Variants in MCPH1 observed in about 807,000 individuals in gnomAD.
The protein encoded by MCPH1 is microcephalin 1.
A neutral mutation model predicts 84.5 loss-of-function variants in MCPH1; 104 were observed. The ratio of observed to expected loss-of-function variants is 1.23; its 90% CI spans 1.05 to 1.45. MCPH1 has a LOEUF of 1.45. Ranked by LOEUF, MCPH1 falls within the 40% of genes most tolerant of loss-of-function variation. MCPH1 has a pLI of 0.00. For missense variants in MCPH1, 1,498 were observed against 1,005.7 expected, an observed-to-expected ratio of 1.49 and a Z score of -6.62; for synonymous variants, 514 against 366.8, an observed-to-expected ratio of 1.40 and a Z score of -4.58.
intron 12 of MCPH1, among the ~76,000 whole-genome samples, chr8:6,594,451 G>T (rs1252491586): frequency 6.6e-6 from 1 of 152,154 alleles, no homozygotes; most frequent in African/African-American, 2.4e-5. Flanking sequence ...ACACTCATTC[G>T]TGGGCCCTCA....
At chr8:6,525,406 T>C (rs190498041) in intron 12 of MCPH1, among the ~76,000 whole-genome samples, 5 of 151,066 alleles carry the variant, frequency 3.3e-5, no homozygotes, top group African/African-American at 1.2e-4. Context: ...ATTTTTGTAT[T>C]TTTTGTAAAA....
intron 11 of MCPH1, among the ~76,000 whole-genome samples, chr8:6,497,593 A>G (rs781762027): frequency 6.6e-6 from 1 of 152,216 alleles, no homozygotes; most frequent in Non-Finnish European, 1.5e-5. Flanking sequence ...CTTTTCACTT[A>G]TAAGGAACTG....
At chr8:6,552,124 A>C (rs569019617) in intron 12 of MCPH1, among the ~76,000 whole-genome samples, 15 of 152,338 alleles carry the variant, frequency 9.8e-5, no homozygotes, top group African/African-American at 3.6e-4. Flanking sequence ...CTTTTCTACT[A>C]AGATATGTGG....
At chr8:6,499,791 G>C in intron 11 of MCPH1, 61 bp from the exon 12 acceptor site, 1 of 1,458,434 alleles carries the variant, frequency 6.9e-7, no homozygotes, top group Non-Finnish European at 9.6e-7. Context: ...AGTGATTCTT[G>C]GTTTATTGCC....
chr8:6,417,555 T>G (rs1390946822), intron 3 of MCPH1, among the ~76,000 whole-genome samples: 1 of 152,198 alleles, frequency 6.6e-6, no homozygotes, highest in Non-Finnish European at 1.5e-5. Flanking sequence ...TTTTTTCAAG[T>G]TCATTGACTT....
chr8:6,495,914 A>G (rs959027460), intron 11 of MCPH1, among the ~76,000 whole-genome samples: 1 of 152,188 alleles, frequency 6.6e-6, no homozygotes, highest in Non-Finnish European at 1.5e-5. Flanking sequence ...ATTTTTAATT[A>G]ATCAGTGATA....
At chr8:6,518,911 G>GTT (rs748851018) in intron 12 of MCPH1, among the ~76,000 whole-genome samples, 1 of 147,614 alleles carries the variant, frequency 6.8e-6, no homozygotes, top group African/African-American at 2.5e-5. Context: ...CTCCGGAAGG[G>GTT]TTTTTTTTTT....
chr8:6,439,009 A>C lies in MCPH1; in HGVS notation c.493A>C (p.Thr165Pro). 6.2e-7 allele frequency: 1 copy of C among 1,610,606 alleles called. No individual in the cohort carries two copies. The highest frequency in any genetic ancestry group is 1.7e-5 in the Admixed American group (1 of 60,014). The change falls in exon 6 of 14, where the codon ACA (threonine) becomes CCA (proline). Residue 165 changes from threonine to proline, a missense_variant. Thr to Pro is a conservative substitution (Grantham distance 38). Coordinates refer to ENST00000344683, the MANE Select transcript of MCPH1 (RefSeq NM_024596.5). ...ESNGSLIYTP[T>P]IEINSRHHSA... ...TAATGGTTCATTAATATATACTCCC[A>C]CAATTGAAATTAATAGTAGGCACCA...
At chr8:6,419,320 A>G (rs57471256) in intron 3 of MCPH1, among the ~76,000 whole-genome samples, 5,035 of 152,154 alleles carry the variant, frequency 0.033, 231 homozygotes, top group East Asian at 0.18. Context: ...CTAAGGCTCA[A>G]TCAGTCCTCT....
intron 12 of MCPH1, among the ~76,000 whole-genome samples, chr8:6,597,527 C>T (rs1212860432): frequency 6.6e-6 from 1 of 152,122 alleles, no homozygotes; most frequent in Admixed American, 6.5e-5. Context: ...CCCCAGGAAC[C>T]CGGAGCCCTC....
At position 6,647,048 on chromosome 8, in the gene MCPH1, C is replaced by G. The variant is rs964663569; in HGVS notation, c.*3999C>G. On this transcript the variant is annotated 3_prime_UTR_variant, in exon 14 of 14. Transcript: ENST00000344683. ...AGACTATGAAAAAATACTTGCAAATCATATATCTGATAAAGGACTTGTACC... is the reference window on the plus strand; with the variant it reads ...AGACTATGAAAAAATACTTGCAAATGATATATCTGATAAAGGACTTGTACC... The G allele has an allele frequency of 1.3e-5, 2 of 151,610 alleles. No individual in the cohort carries two copies. The highest frequency in any genetic ancestry group is 4.9e-5 in the African/African-American group (2 of 41,234). The allele number at this position is 151,610 out of a possible 1,614,324, so 9.4% of individuals were successfully genotyped here.
At chr8:6,562,699 C>T (rs528884957) in intron 12 of MCPH1, 2 of 1,612,370 alleles carry the variant, frequency 1.2e-6, no homozygotes, top group African/African-American at 1.3e-5. Flanking sequence ...CACTTGCAGC[C>T]TCTGCACCGA....
rs762789733 is a variant in MCPH1, at chr8:6,444,415, A to G, written c.693A>G (p.Leu231=). The G allele has an allele frequency of 6.2e-7, 1 of 1,614,202 alleles. No individual in the cohort carries two copies. The highest frequency in any genetic ancestry group is 8.5e-7 in the Non-Finnish European group (1 of 1,180,024). Residue 231 remains leucine, a synonymous_variant, in exon 8 of 14, where the codon TTA becomes TTG. Transcript: ENST00000344683. The part of the protein sequence containing the change: ...LCSDEYFAGG[L]HSSFDDLCGN... ...CAGATGAATACTTTGCTGGTGGCTT[A>G]CACTCATCTTTTGATGATCTTTGTG...
At chr8:6,451,090 T>C (rs1002299216) in intron 8 of MCPH1, among the ~76,000 whole-genome samples, 10 of 152,178 alleles carry the variant, frequency 6.6e-5, no homozygotes, top group African/African-American at 2.4e-4. Context: ...GATAGACATA[T>C]ATTCATTAAG....
At chr8:6,484,850 G>A (rs1042643110) in intron 11 of MCPH1, among the ~76,000 whole-genome samples, 13 of 152,180 alleles carry the variant, frequency 8.5e-5, no homozygotes, top group South Asian at 4.1e-4. Context: ...AGTGGTTGCC[G>A]CGCATTAAGG....
chr8:6,605,744 C>A (rs2980669), intron 12 of MCPH1, among the ~76,000 whole-genome samples: 15,629 of 152,166 alleles, frequency 0.1, 933 homozygotes, highest in Middle Eastern at 0.14. Context: ...GTCACCCAGG[C>A]TGGAGTGCAG....
chr8:6,431,737 A>G (rs1801872271), intron 4 of MCPH1, 151 bp downstream of exon 4: 1 of 604,586 alleles, frequency 1.7e-6, no homozygotes, highest in Non-Finnish European at 2.9e-6. Flanking sequence ...AGCATTTTTA[A>G]GTGAATTACA....
At chr8:6,617,685 G>A (rs985639615) in intron 12 of MCPH1, among the ~76,000 whole-genome samples, 10 of 151,964 alleles carry the variant, frequency 6.6e-5, no homozygotes, top group African/African-American at 1.9e-4. Flanking sequence ...GTGGGGAGTT[G>A]TATTGTTTTG....
intron 12 of MCPH1, among the ~76,000 whole-genome samples, chr8:6,511,899 CTTTT>C (rs34089402): frequency 7.0e-6 from 1 of 141,954 alleles, no homozygotes; most frequent in African/African-American, 2.6e-5. Context: ...TTTTGTGCTT[CTTTT>C]TTTTTTTTTT....
Sources: gnomAD v4.1 joint callset for allele counts (sites outside exome capture counted in the v4.1 genomes callset) on GRCh38, gnomAD v4.1.1 for gene constraint, MANE v1.5 for transcripts, NCBI Gene and HGNC (gene_info 2026-07-23, HGNC 2026-07-21) for gene names.